The following RTL4 variants were observed in gnomAD, a reference collection of about 807,000 sequenced individuals.
RTL4 encodes the protein retrotransposon Gag like 4.
RTL4 carries 4 observed loss-of-function variants against 5.3 expected under a neutral mutation model. The observed-to-expected ratio is 0.75, with a 90% CI of 0.37 to 1.72. The LOEUF is 1.72. RTL4 is among the 40% of genes most tolerant of loss of function. The pLI is 0.04. For synonymous variants in RTL4, 98 were observed against 87.3 expected (o/e 1.12, Z -0.68); for missense variants, 260 against 227.1 (o/e 1.14, Z -0.93).
chrX:112,268,534 G>A, the RTL4 span, among the ~76,000 whole-genome samples: 1 of 111,539 alleles, frequency 9.0e-6, no homozygotes, highest in Non-Finnish European at 1.9e-5. Context: ...CACATTTCTA[G>A]CTAGCTACTA....
At chrX:112,207,343 C>T in the RTL4 span, among the ~76,000 whole-genome samples, 1 of 111,331 alleles carries the variant, frequency 9.0e-6, no homozygotes, top group Non-Finnish European at 1.9e-5. Flanking sequence ...CAACCCACAC[C>T]CTATCTAAAA....
At chrX:112,291,385 C>T in the RTL4 span, among the ~76,000 whole-genome samples, 162 of 108,630 alleles carry the variant, frequency 1.5e-3, no homozygotes, top group African/African-American at 5.4e-3. Flanking sequence ...CACACACACA[C>T]ACACACACAC....
chrX:112,323,353 G>C, the RTL4 span, among the ~76,000 whole-genome samples: 1 of 110,481 alleles, frequency 9.1e-6, no homozygotes, highest in Non-Finnish European at 1.9e-5. Flanking sequence ...ATTTTCTTTC[G>C]CTTTGAAAGA....
At chrX:112,437,812 T>TGGTGGA in the RTL4 span, among the ~76,000 whole-genome samples, 1 of 26,542 alleles carries the variant, frequency 3.8e-5, no homozygotes, top group Admixed American at 5.5e-4. Context: ...ATGGTGGTGG[T>TGGTGGA]GGTGGTGGTG....
chrX:112,256,831 G>T, the RTL4 span, among the ~76,000 whole-genome samples: 2 of 111,555 alleles, frequency 1.8e-5, no homozygotes, highest in East Asian at 5.6e-4. Flanking sequence ...GTTTATTGCT[G>T]GTGTATAAGA....
At chrX:112,349,937 G>C in the RTL4 span, among the ~76,000 whole-genome samples, 1 of 110,437 alleles carries the variant, frequency 9.1e-6, no homozygotes, top group African/African-American at 3.3e-5. Context: ...TCCCTGCCTT[G>C]TGCCAGTTTT....
chrX:112,368,859 G>A, the RTL4 span, among the ~76,000 whole-genome samples: 1,475 of 112,209 alleles, frequency 0.013, 30 homozygotes, highest in African/African-American at 0.045. Flanking sequence ...GATAAATGAG[G>A]TATTATTAGA....
the RTL4 span, among the ~76,000 whole-genome samples, chrX:112,236,458 G>A: frequency 2.6e-5 from 2 of 77,157 alleles, no homozygotes; most frequent in South Asian, 6.9e-4. Flanking sequence ...TATAGATATA[G>A]ATCTATATCT....
the RTL4 span, among the ~76,000 whole-genome samples, chrX:112,357,588 C>T: frequency 5.3e-5 from 6 of 112,189 alleles, no homozygotes; most frequent in Non-Finnish European, 9.4e-5. Context: ...CCCTTAACCT[C>T]ATCTGTACTG....
chrX:112,309,008 T>C, the RTL4 span, among the ~76,000 whole-genome samples: 1 of 111,680 alleles, frequency 9.0e-6, no homozygotes, highest in East Asian at 2.8e-4. Flanking sequence ...TCCTGGAGTG[T>C]CAATTTTTAC....
At chrX:112,402,163 G>A in the RTL4 span, among the ~76,000 whole-genome samples, 1 of 111,823 alleles carries the variant, frequency 8.9e-6, no homozygotes, top group African/African-American at 3.2e-5. Flanking sequence ...TATTTTATAA[G>A]TTCTTATTGT....
chrX:112,398,075 G>A, the RTL4 span, among the ~76,000 whole-genome samples: 2 of 111,453 alleles, frequency 1.8e-5, no homozygotes, highest in Non-Finnish European at 3.8e-5. Flanking sequence ...ATATTAGGGG[G>A]AAATCATTCA....
chrX:112,225,845 A>C, the RTL4 span, among the ~76,000 whole-genome samples: 1 of 112,135 alleles, frequency 8.9e-6, no homozygotes, highest in East Asian at 2.8e-4. Context: ...GAAAAAATGG[A>C]GATTCCCTGG....
chrX:112,451,359 C>T (rs1473062233), upstream of RTL4, among the ~76,000 whole-genome samples: 3 of 110,409 alleles, frequency 2.7e-5, no homozygotes, highest in East Asian at 2.8e-4. Context: ...AATAGCCAGG[C>T]GAGGTGGTAT....
At chrX:112,120,271 T>G in the RTL4 span, among the ~76,000 whole-genome samples, 1 of 111,747 alleles carries the variant, frequency 8.9e-6, no homozygotes, top group Non-Finnish European at 1.9e-5. Context: ...CTTAAGGTTT[T>G]GTTTGTTTGT....
chrX:112,381,802 A>G, the RTL4 span: 2 of 1,209,888 alleles, frequency 1.7e-6, no homozygotes, highest in Admixed American at 2.2e-5. Flanking sequence ...AGACAGCTGC[A>G]AAGACACGGG....
chrX:112,323,240 G>C, the RTL4 span, among the ~76,000 whole-genome samples: 1 of 111,193 alleles, frequency 9.0e-6, no homozygotes, highest in Admixed American at 9.6e-5. Flanking sequence ...GCATTTTCCT[G>C]ACTGCTAGTG....
chrX:112,194,078 A>G, the RTL4 span, among the ~76,000 whole-genome samples: 1 of 112,106 alleles, frequency 8.9e-6, no homozygotes, highest in African/African-American at 3.2e-5. Context: ...CACTCAAGGA[A>G]GGGCACTTTG....
At chrX:112,250,587 A>G in the RTL4 span, among the ~76,000 whole-genome samples, 7 of 112,248 alleles carry the variant, frequency 6.2e-5, no homozygotes, top group African/African-American at 2.3e-4. Flanking sequence ...CGTCACATAT[A>G]GACAAGGGCT....
Sources: allele counts gnomAD v4.1 joint callset (sites outside exome capture counted in the v4.1 genomes callset), GRCh38; gene constraint gnomAD v4.1.1; transcripts MANE v1.5; gene names NCBI Gene and HGNC (gene_info 2026-07-23, HGNC 2026-07-21).